The following PRRC2B variants were observed in gnomAD, a reference collection of about 807,000 sequenced individuals.
PRRC2B encodes the protein protein PRRC2B.
A neutral mutation model predicts 242.3 loss-of-function variants in PRRC2B; 68 were observed. The observed-to-expected ratio is 0.28, with a 90% CI of 0.23 to 0.34. The LOEUF (loss-of-function observed/expected upper bound fraction) is 0.34, where lower values mean the gene tolerates loss of function less well. Among genes scored for constraint, PRRC2B ranks in the 10% least tolerant of loss-of-function variants. The pLI, the probability that PRRC2B is intolerant of heterozygous loss-of-function variation, is 1.00. For synonymous variants in PRRC2B, 1,228 were observed against 1,173.6 expected (o/e 1.05, Z -0.95); for missense variants, 2,835 against 2,954.8 (o/e 0.96, Z 0.94).
At chr9:131,466,029 C>T (rs949684218) in intron 12 of PRRC2B, among the ~76,000 whole-genome samples, 5 of 151,438 alleles carry the variant, frequency 3.3e-5, no homozygotes, top group East Asian at 1.9e-4. Context: ...CTGGGCAACA[C>T]GGCCCTATTT....
chr9:131,486,356 A>T (rs2131471122), intron 26 of PRRC2B, 174 bp downstream of exon 26: 1 of 483,746 alleles, frequency 2.1e-6, no homozygotes, highest in East Asian at 1.5e-4. Flanking sequence ...TAAGCGAATA[A>T]TCGAGACAGG....
intron 13 of PRRC2B, among the ~76,000 whole-genome samples, 179 bp from the exon 14 acceptor site, chr9:131,470,609 C>G (rs966594336): frequency 1.3e-5 from 2 of 152,122 alleles, no homozygotes; most frequent in East Asian, 1.9e-4. Context: ...CCTGAGCTTG[C>G]AAGCTGTAAC....
At chr9:131,449,631 C>G (rs1303815110) in intron 9 of PRRC2B, among the ~76,000 whole-genome samples, 1 of 152,068 alleles carries the variant, frequency 6.6e-6, no homozygotes, top group Non-Finnish European at 1.5e-5. Context: ...GGGTACCAGC[C>G]CAGGATACAA....
rs561064299 is a variant in PRRC2B, at chr9:131,487,155, T to C, written c.5857-12T>C. On this transcript the variant is annotated splice_polypyrimidine_tract_variant and intron_variant, in intron 26 of 31. Transcript: ENST00000683519. The surrounding 1 kb of genome is among the most constrained non-coding windows in gnomAD (Gnocchi z 5.3). ...TGCGGTTACCTCCCCGACCCCGTTT[T>C]CCCGTTCACAGGCCGCCGCTGCCCA... The C allele has an allele frequency of 6.2e-7, 1 of 1,613,062 alleles. No homozygotes were observed. Among genetic ancestry groups the C allele is most frequent in the East Asian group, 2.2e-5 (1 of 44,858 alleles).
rs1273271703 is a variant in PRRC2B, at chr9:131,447,783, G to A, written c.1099G>A (p.Asp367Asn). 10 of 1,612,986 alleles carry A rather than the reference G, an allele frequency of 6.2e-6. No individual in the cohort carries two copies. Among genetic ancestry groups the A allele is most frequent in the Middle Eastern group, 1.7e-4 (1 of 5,980 alleles). The change falls in exon 9 of 32, where the codon GAT (aspartate) becomes AAT (asparagine). Residue 367 changes from aspartate (D) to asparagine (N), a missense_variant. Around this residue, in one of 7 missense-constraint regions of PRRC2B, gnomAD observed 626 missense variants for 685.5 expected, o/e 0.91. Coordinates refer to ENST00000683519, the MANE Select transcript of PRRC2B (RefSeq NM_013318.4). Reference protein sequence around the residue: ...NLKGLDDLDADADDGWAGLHE... With the variant: ...NLKGLDDLDANADDGWAGLHE... ...GAAGGGCCTTGACGATCTGGACGCCGATGCCGATGATGGCTGGGCAGGTGG... is the reference window on the plus strand; with the variant it reads ...GAAGGGCCTTGACGATCTGGACGCCAATGCCGATGATGGCTGGGCAGGTGG...
At chr9:131,385,341 CAAA>C (rs112849330) in intron 1 of PRRC2B, among the ~76,000 whole-genome samples, 1 of 135,464 alleles carries the variant, frequency 7.4e-6, no homozygotes. Flanking sequence ...AACTCCGTCT[CAAA>C]AAAAAAAAAA....
chr9:131,490,239 C>G (rs537325506), intron 28 of PRRC2B, among the ~76,000 whole-genome samples: 214 of 150,888 alleles, frequency 1.4e-3, no homozygotes, highest in Admixed American at 2.5e-3. Context: ...CACCTCACCC[C>G]CTTACCCTTC....
Position 131,482,266 on chromosome 9 carries a change from G to C in PRRC2B, c.4984-105G>C, listed in dbSNP as rs750367632. The C allele has an allele frequency of 4.4e-5, 57 of 1,287,844 alleles. No homozygotes were observed. The highest frequency in any genetic ancestry group is 6.0e-5 in the Non-Finnish European group (56 of 928,324). 79.8% of individuals were successfully genotyped at this position (1,287,844 alleles called of 1,614,324 possible). A position where few individuals can be genotyped will look rare whatever the true frequency, so the allele number is the denominator to read the frequency against. ...CAAGATCAGGACCAGACTTGGCAAGGGACAGGCAGCTGGGGTAGAAAAGTC... is the reference window on the plus strand; with the variant it reads ...CAAGATCAGGACCAGACTTGGCAAGCGACAGGCAGCTGGGGTAGAAAAGTC... On this transcript the variant is annotated intron_variant, in intron 20 of 31. Coordinates refer to ENST00000683519, the MANE Select transcript of PRRC2B (RefSeq NM_013318.4). This position sits in a 1 kb window ranked among gnomAD's most constrained non-coding sequence, Gnocchi z 5.2.
Position 131,459,241 on chromosome 9 carries a change from A to G in PRRC2B, c.1289A>G (p.Glu430Gly). ...AGTGCGGACGCTAAGCGGACTCGAG[A>G]GGAAGGGAAGGACTGGGCTGAAGCA... The part of the protein sequence containing the change: ...ADSADAKRTR[E>G]EGKDWAEAVG... Residue 430 changes from glutamate to glycine, a missense_variant, in exon 11 of 32, where the codon GAG becomes GGG. Coordinates refer to ENST00000683519, the MANE Select transcript of PRRC2B (RefSeq NM_013318.4). 1.2e-6 allele frequency: 2 copies of G among 1,613,874 alleles called. No individual in the cohort carries two copies. The highest frequency in any genetic ancestry group is 1.7e-6 in the Non-Finnish European group (2 of 1,179,820).
At chr9:131,399,600 A>G (rs1837172912) in intron 1 of PRRC2B, among the ~76,000 whole-genome samples, 1 of 152,132 alleles carries the variant, frequency 6.6e-6, no homozygotes, top group Non-Finnish European at 1.5e-5. Flanking sequence ...AAATACTGAA[A>G]AGAATAAATG....
At chr9:131,374,524 T>C (rs1411199030) in intron 1 of PRRC2B, among the ~76,000 whole-genome samples, 1 of 152,046 alleles carries the variant, frequency 6.6e-6, no homozygotes, top group Non-Finnish European at 1.5e-5. Context: ...CCTCGCTCTT[T>C]TTTTTTTTAT....
At chr9:131,396,471 A>G (rs1050108517) in intron 1 of PRRC2B, among the ~76,000 whole-genome samples, 1 of 151,500 alleles carries the variant, frequency 6.6e-6, no homozygotes, top group African/African-American at 2.4e-5. Context: ...GATTACAGGC[A>G]TGTGCCACCA....
intron 1 of PRRC2B, among the ~76,000 whole-genome samples, chr9:131,388,803 A>G (rs1042037804): frequency 2.7e-5 from 4 of 147,172 alleles, no homozygotes; most frequent in Non-Finnish European, 6.0e-5. Context: ...TGGACTTCCA[A>G]AGTGCTGGGA....
At position 131,419,761 on chromosome 9, in the gene PRRC2B, G is replaced by A. The variant is rs557370189; in HGVS notation, c.-51-10333G>A. Among the ~76,000 whole-genome samples the A allele has an allele frequency of 3.9e-5, 6 of 152,168 alleles. No individual in the cohort carries two copies. The South Asian group carries it at 6.2e-4, about 16-fold the overall frequency. On this transcript the variant is annotated intron_variant, in intron 1 of 31. Coordinates refer to ENST00000683519, the MANE Select transcript of PRRC2B (RefSeq NM_013318.4). ...TCAAGTCACAGTGTGGAGTGGAGGC[G>A]AGATGCAAACCCAGTGTTTCAGATT...
At chr9:131,448,105 C>T in intron 9 of PRRC2B, 1 of 261,950 alleles carries the variant, frequency 3.8e-6, no homozygotes, top group Non-Finnish European at 7.2e-6. Context: ...CTCCCAACCA[C>T]TGATCACTCA....
At chr9:131,443,496 C>T (rs1401922484) in intron 5 of PRRC2B, among the ~76,000 whole-genome samples, 1 of 151,646 alleles carries the variant, frequency 6.6e-6, no homozygotes, top group Non-Finnish European at 1.5e-5. Flanking sequence ...TGCAGTGGCA[C>T]GTTTTCGGCT....
chr9:131,420,318 T>C (rs1300054706), intron 1 of PRRC2B, among the ~76,000 whole-genome samples: 1 of 151,818 alleles, frequency 6.6e-6, no homozygotes, highest in African/African-American at 2.4e-5. Context: ...GTAGAATGCC[T>C]GGATTGTGCT....
At chr9:131,458,567 C>T (rs116069911) in intron 10 of PRRC2B, among the ~76,000 whole-genome samples, 1,738 of 151,668 alleles carry the variant, frequency 0.011, 34 homozygotes, top group African/African-American at 0.038. Flanking sequence ...TGTAGTGCCG[C>T]GATTTTGGCT....
chr9:131,479,432 G>A (rs1274737512), intron 19 of PRRC2B, 39 bp downstream of exon 19: 3 of 1,597,824 alleles, frequency 1.9e-6, no homozygotes, highest in African/African-American at 1.3e-5. Context: ...TGGCACCCAA[G>A]GTCACATCAC....
Sources: allele counts gnomAD v4.1 joint callset (sites outside exome capture counted in the v4.1 genomes callset), GRCh38; gene constraint gnomAD v4.1.1; regional missense constraint gnomAD v4.1.1; non-coding constraint Gnocchi (gnomAD v3.1); transcripts MANE v1.5; gene names NCBI Gene and HGNC (gene_info 2026-07-23, HGNC 2026-07-21).